Variants in SEMA6D observed in about 807,000 individuals in gnomAD.
SEMA6D encodes the protein semaphorin-6D.
In SEMA6D, 35 loss-of-function variants were observed where a neutral mutation model predicts 106.6. That is an observed-to-expected ratio of 0.33 (90% CI 0.25 to 0.44). The LOEUF is 0.44. Among genes scored for constraint, SEMA6D ranks in the 20% least tolerant of loss-of-function variants. SEMA6D has a pLI of 1.00. For missense variants in SEMA6D, 1,185 were observed against 1,345.9 expected, an observed-to-expected ratio of 0.88 and a Z score of 1.87; for synonymous variants, 499 against 487.7, an observed-to-expected ratio of 1.02 and a Z score of -0.31.
intron 1 of SEMA6D, among the ~76,000 whole-genome samples, chr15:47,197,750 A>G (rs1055852094): frequency 6.6e-6 from 1 of 152,128 alleles, no homozygotes; most frequent in African/African-American, 2.4e-5. Flanking sequence ...AATGTCTTGA[A>G]ATGACCTCTT....
intron 3 of SEMA6D, among the ~76,000 whole-genome samples, chr15:47,482,731 T>C (rs1034294892): frequency 1.3e-5 from 2 of 152,020 alleles, no homozygotes; most frequent in Non-Finnish European, 2.9e-5. Flanking sequence ...GTTCCAAGAA[T>C]GTAATAGAAA....
chr15:47,476,592 A>G (rs954088077), intron 3 of SEMA6D, among the ~76,000 whole-genome samples: 15 of 152,094 alleles, frequency 9.9e-5, no homozygotes, highest in African/African-American at 2.2e-4. Flanking sequence ...CTCATGCTCT[A>G]TCTCCTTCAA....
intron 4 of SEMA6D, among the ~76,000 whole-genome samples, chr15:47,639,837 C>T (rs2077456374): frequency 6.6e-6 from 1 of 152,094 alleles, no homozygotes; most frequent in Admixed American, 6.6e-5. Context: ...CTGTCAAGGT[C>T]ACCAAAAACA....
In SEMA6D at chr15:47,424,010, A is replaced by G. The variant is rs116682276; in HGVS notation, c.-159+11538A>G. 5.9e-3 allele frequency among the ~76,000 whole-genome samples: 893 copies of G among 152,276 alleles called. 8 individuals carry two copies. The highest frequency in any genetic ancestry group is 0.021 in the African/African-American group (860 of 41,568). ...CTTATATCTAATATAACAAAAGCTCAGAGAATGATTCTGTGAGTCATGGAA... is the reference window on the plus strand; with the variant it reads ...CTTATATCTAATATAACAAAAGCTCGGAGAATGATTCTGTGAGTCATGGAA... On this transcript the variant is annotated intron_variant, in intron 2 of 19. Transcript: ENST00000558014.
intron 3 of SEMA6D, among the ~76,000 whole-genome samples, chr15:47,591,399 G>T (rs1007411066): frequency 4.6e-5 from 7 of 152,156 alleles, no homozygotes; most frequent in Non-Finnish European, 1.5e-5. Flanking sequence ...ATGTCCAGAG[G>T]CTTCTCCACA....
intron 1 of SEMA6D, among the ~76,000 whole-genome samples, chr15:47,275,949 A>G (rs1438535743): frequency 4.6e-5 from 7 of 152,270 alleles, no homozygotes; most frequent in African/African-American, 1.4e-4. Flanking sequence ...CATGAATGAT[A>G]TGAAAGCGAA....
At chr15:47,308,261 G>A (rs1033476605) in intron 1 of SEMA6D, among the ~76,000 whole-genome samples, 1 of 152,036 alleles carries the variant, frequency 6.6e-6, no homozygotes, top group African/African-American at 2.4e-5. Context: ...TTGCCACATG[G>A]CCATTGTATG....
chr15:47,392,065 A>G (rs924411671), intron 1 of SEMA6D, among the ~76,000 whole-genome samples: 1 of 151,986 alleles, frequency 6.6e-6, no homozygotes, highest in African/African-American at 2.4e-5. Context: ...GAAGAATCTC[A>G]TTGCCTGTTT....
chr15:47,666,851 T>C (rs561533929), intron 4 of SEMA6D, among the ~76,000 whole-genome samples: 2 of 152,314 alleles, frequency 1.3e-5, no homozygotes, highest in African/African-American at 2.4e-5. Flanking sequence ...TCCCATGGCC[T>C]TCACATGGCT....
chr15:47,759,856 G>A lies in SEMA6D; in HGVS notation c.58G>A (p.Ala20Thr). The stretch of plus-strand genomic sequence containing the variant: ...GCTGCTGATGGTTTCCCAGTTGAGG[G>A]CAGTCAGCTTTCCTGAAGATGATGA... ...ILLLMVSQLR[A>T]VSFPEDDEPL... The change falls in exon 2 of 19, where the codon GCA becomes ACA. Residue 20 changes from alanine to threonine, a missense_variant. By Grantham distance (58) the Ala-to-Thr change is moderately conservative. Transcript: ENST00000536845. The A allele has an allele frequency of 3.1e-6, 5 of 1,613,828 alleles. No homozygotes were observed. Among genetic ancestry groups the A allele is most frequent in the Non-Finnish European group, 4.2e-6 (5 of 1,179,760 alleles).
intron 1 of SEMA6D, among the ~76,000 whole-genome samples, chr15:47,291,821 T>C (rs2035604010): frequency 6.6e-6 from 1 of 152,232 alleles, no homozygotes; most frequent in Non-Finnish European, 1.5e-5. Context: ...TTTGGTTATG[T>C]CTATCTAATC....
Position 47,772,880 on chromosome 15 carries a change from A to C in SEMA6D, c.*1095A>C, listed in dbSNP as rs985704765. On this transcript the variant is annotated 3_prime_UTR_variant, in exon 19 of 19. Coordinates refer to ENST00000536845, the MANE Select transcript of SEMA6D (RefSeq NM_001358351.3). Reference sequence around the variant, plus strand: ...GGTAAGAAACAAAAAACAAACAAACAAACAAAAATAGAAGACAAAAGAAAG... The same window carrying C: ...GGTAAGAAACAAAAAACAAACAAACCAACAAAAATAGAAGACAAAAGAAAG... 6.7e-6 allele frequency: 1 copy of C among 149,598 alleles called. No individual in the cohort carries two copies. Among genetic ancestry groups the C allele is most frequent in the Non-Finnish European group, 1.5e-5 (1 of 67,662 alleles). 9.3% of individuals were successfully genotyped at this position (149,598 alleles called of 1,614,324 possible). A position where few individuals can be genotyped will look rare whatever the true frequency, so the allele number is the denominator to read the frequency against.
intron 1 of SEMA6D, among the ~76,000 whole-genome samples, chr15:47,259,158 G>C (rs1314446137): frequency 6.6e-6 from 1 of 152,080 alleles, no homozygotes; most frequent in African/African-American, 2.4e-5. Context: ...GTCAGATGAA[G>C]TTATAACCTT....
chr15:47,684,854 C>T (rs1481111801), intron 4 of SEMA6D, among the ~76,000 whole-genome samples: 2 of 152,124 alleles, frequency 1.3e-5, no homozygotes, highest in Non-Finnish European at 2.9e-5. Context: ...TTCATTCATT[C>T]ATGAACTGAT....
In SEMA6D at chr15:47,286,607, A is replaced by G. The variant is rs72623944; in HGVS notation, c.-239+102189A>G. On this transcript the variant is annotated intron_variant, in intron 1 of 19. Coordinates refer to the SEMA6D transcript ENST00000558014. ...GCTAGATTCTAATATCTTCCTCTTC[A>G]TTTTAATCTACTGCAATATGTTGTG... Among the ~76,000 whole-genome samples, 8,673 of 152,152 alleles carry G rather than the reference A, an allele frequency of 0.057. 1,244 individuals are homozygous for G. The East Asian group carries it at 0.61, about 11-fold the overall frequency.
intron 1 of SEMA6D, among the ~76,000 whole-genome samples, chr15:47,302,987 G>A (rs1454815041): frequency 6.6e-6 from 1 of 152,190 alleles, no homozygotes; most frequent in Non-Finnish European, 1.5e-5. Context: ...AGAATTCATG[G>A]CGAGGACACA....
At chr15:47,266,768 T>C (rs1192865314) in intron 1 of SEMA6D, among the ~76,000 whole-genome samples, 6 of 152,134 alleles carry the variant, frequency 3.9e-5, no homozygotes, top group Admixed American at 3.3e-4. Flanking sequence ...CCTATGTTCT[T>C]AGACATGCAC....
intron 4 of SEMA6D, among the ~76,000 whole-genome samples, chr15:47,656,473 A>G (rs897649316): frequency 5.9e-5 from 9 of 152,310 alleles, no homozygotes; most frequent in Admixed American, 4.6e-4. Flanking sequence ...TTCTAATACA[A>G]TATTAGGATT....
intron 4 of SEMA6D, among the ~76,000 whole-genome samples, chr15:47,664,503 A>G (rs1015470907): frequency 6.6e-6 from 1 of 152,172 alleles, no homozygotes. Flanking sequence ...TATCACAGCT[A>G]TACAGTATTC....
Sources: gnomAD v4.1 joint callset for allele counts (sites outside exome capture counted in the v4.1 genomes callset) on GRCh38, gnomAD v4.1.1 for gene constraint, MANE v1.5 for transcripts, NCBI Gene and HGNC (gene_info 2026-07-23, HGNC 2026-07-21) for gene names.